The following OR10A2 variants were observed in gnomAD, a reference collection of about 807,000 sequenced individuals.
OR10A2 encodes olfactory receptor family 10 subfamily A member 2.
A neutral mutation model predicts 13.7 loss-of-function variants in OR10A2; 15 were observed. The ratio of observed to expected loss-of-function variants is 1.10; its 90% CI spans 0.73 to 1.69. The LOEUF is 1.69. Among genes scored for constraint, OR10A2 ranks in the 40% most tolerant of loss-of-function variants. The pLI, the probability that OR10A2 is intolerant of heterozygous loss-of-function variation, is 0.00. For synonymous variants in OR10A2, 145 were observed against 144.7 expected (o/e 1.00, Z -0.02); for missense variants, 343 against 361.1 (o/e 0.95, Z 0.41).
rs1427212307 is a variant in OR10A2 at position 6,869,760 on chromosome 11, C to A, written c.6C>A (p.Ser2Arg). The A allele has an allele frequency of 1.2e-6, 2 of 1,613,578 alleles. No homozygotes were observed. The highest frequency in any genetic ancestry group is 1.7e-6 in the Non-Finnish European group (2 of 1,179,534). The change falls in exon 2 of 2, where the codon AGC becomes AGA. Residue 2 changes from serine (S) to arginine (R), a missense_variant. Coordinates refer to ENST00000641461, the MANE Select transcript of OR10A2 (RefSeq NM_001004460.2). ...GAATAAGTGAGTTTATCCTCATGAG[C>A]TTCTCTTCCCTGCCTACTGAAATAC... is the stretch of plus-strand genomic sequence containing the variant. M[S>R]FSSLPTEIQS...
intron 1 of OR10A2, among the ~76,000 whole-genome samples, chr11:6,865,588 C>T (rs542147951): frequency 6.6e-6 from 1 of 152,144 alleles, no homozygotes; most frequent in South Asian, 2.1e-4. Context: ...ACAAAGATTT[C>T]ATTGAAATAT....
In OR10A2 at chr11:6,870,016, A is replaced by T; in HGVS notation, c.262A>T (p.Met88Leu). 6.2e-7 allele frequency: 1 copy of T among 1,614,078 alleles called. No homozygotes were observed. Among genetic ancestry groups the T allele is most frequent in the Non-Finnish European group, 8.5e-7 (1 of 1,180,016 alleles). ...CTCCTTCCTTGGCTGTGCCACTCAG[A>T]TGTATTTCTTCTTCTTCTTTGGAGT... ...TISFLGCATQMYFFFFFGVAE... is the reference protein window; with the variant it reads ...TISFLGCATQLYFFFFFGVAE... Residue 88 changes from methionine (M) to leucine (L), a missense_variant, in exon 2 of 2, where the codon ATG (methionine) becomes TTG (leucine). Transcript: ENST00000641461.
Position 6,863,342 on chromosome 11 carries a change from T to A in OR10A2, c.-142T>A, listed in dbSNP as rs1403059416. 1 of 148,694 alleles carries A rather than the reference T, an allele frequency of 6.7e-6. No individual in the cohort carries two copies. The highest frequency in any genetic ancestry group is 2.5e-5 in the African/African-American group (1 of 40,368). 9.2% of individuals were successfully genotyped at this position (148,694 alleles called of 1,614,324 possible). On this transcript the variant is annotated 5_prime_UTR_variant, in exon 1 of 2. It adds an upstream start codon to the 5' untranslated region. Coordinates refer to ENST00000641461, the MANE Select transcript of OR10A2 (RefSeq NM_001004460.2). ...GAGTTGAACAAGGCAGATGTTCCTG[T>A]TGGACACAGGTAAGCCTTTTTTTTT...
intron 1 of OR10A2, among the ~76,000 whole-genome samples, chr11:6,866,735 T>C (rs879124471): frequency 2.0e-5 from 3 of 152,252 alleles, no homozygotes; most frequent in Admixed American, 2.0e-4. Flanking sequence ...CATTTTCCAG[T>C]TTGGTTACTT....
intron 1 of OR10A2, among the ~76,000 whole-genome samples, chr11:6,866,362 C>T (rs749781540): frequency 6.6e-5 from 10 of 152,266 alleles, no homozygotes; most frequent in South Asian, 2.1e-4. Flanking sequence ...CAGACCAGGA[C>T]GGCTTTGCAT....
intron 1 of OR10A2, among the ~76,000 whole-genome samples, chr11:6,864,814 T>A (rs913990767): frequency 1.3e-5 from 2 of 151,784 alleles, no homozygotes; most frequent in African/African-American, 4.8e-5. Context: ...TAGCTTAAGT[T>A]CATTTCATAT....
intron 1 of OR10A2, among the ~76,000 whole-genome samples, chr11:6,864,325 T>C (rs542224744): frequency 1.1e-4 from 13 of 116,686 alleles, no homozygotes; most frequent in Admixed American, 8.6e-4. Context: ...AGAACAGTCA[T>C]TGAGAAAAAA....
intron 1 of OR10A2, among the ~76,000 whole-genome samples, chr11:6,866,754 T>C (rs1342989979): frequency 4.6e-5 from 7 of 152,122 alleles, no homozygotes. Context: ...TTATCAGAAC[T>C]TTTCTCTATT....
chr11:6,870,357 C>A lies in OR10A2; in HGVS notation c.603C>A (p.Ile201=). ...ILVVMIPCLL[I]LCSYTHIAAA... is the part of the protein sequence containing the mutation. ...TGGTCATGATCCCCTGCTTGCTGAT[C>A]TTGTGTTCCTATACTCACATTGCTG... Residue 201 remains isoleucine, a synonymous_variant, in exon 2 of 2, where the codon ATC becomes ATA. Coordinates refer to ENST00000641461, the MANE Select transcript of OR10A2 (RefSeq NM_001004460.2). 6.2e-7 allele frequency: 1 copy of A among 1,614,194 alleles called. No individual in the cohort carries two copies. Among genetic ancestry groups the A allele is most frequent in the Non-Finnish European group, 8.5e-7 (1 of 1,180,048 alleles).
In OR10A2 at chr11:6,869,843, G is replaced by A; in HGVS notation, c.89G>A (p.Cys30Tyr). The A allele has an allele frequency of 6.2e-7, 1 of 1,614,120 alleles. No individual in the cohort carries two copies. Among genetic ancestry groups the A allele is most frequent in the African/African-American group, 1.3e-5 (1 of 75,008 alleles). ...TACCTGGTCACCCTGATGGGAAACT[G>A]CCTCATCATTCTGGTTACCCTAGCT... ...TIYLVTLMGNCLIILVTLADP... is the reference protein window; with the variant it reads ...TIYLVTLMGNYLIILVTLADP... Residue 30 changes from cysteine to tyrosine, a missense_variant, in exon 2 of 2, where the codon TGC becomes TAC. Physicochemically the swap from Cys to Tyr is radical, Grantham distance 194. Coordinates refer to ENST00000641461, the MANE Select transcript of OR10A2 (RefSeq NM_001004460.2).
chr11:6,865,101 A>ATATATATT (rs372836203), intron 1 of OR10A2, among the ~76,000 whole-genome samples: 44,442 of 143,600 alleles, frequency 0.31, 7,632 homozygotes, highest in South Asian at 0.41. Context: ...ATGAATAAAA[A>ATATATATT]TATATATTTA....
chr11:6,872,577 T>G lies in OR10A2; in HGVS notation c.*1911T>G, dbSNP rs1848444811. On this transcript the variant is annotated 3_prime_UTR_variant, in exon 2 of 2. Transcript: ENST00000641461. ...ATGGCTCACTGTAGCCTCAAACACC[T>G]GGGCTCAGGCCATCTTCCTGCCTCA... The G allele has an allele frequency of 6.6e-6, 1 of 152,208 alleles. No individual in the cohort carries two copies. The highest frequency in any genetic ancestry group is 1.5e-5 in the Non-Finnish European group (1 of 68,042). The allele number at this position is 152,208 out of a possible 1,614,324, so 9.4% of individuals were successfully genotyped here. A position where few individuals can be genotyped will look rare whatever the true frequency, so the allele number is the denominator to read the frequency against.
At chr11:6,864,258 C>T (rs1176440007) in intron 1 of OR10A2, among the ~76,000 whole-genome samples, 1 of 151,414 alleles carries the variant, frequency 6.6e-6, no homozygotes, top group Non-Finnish European at 1.5e-5. Flanking sequence ...GCCAGCACCA[C>T]ATACAACACA....
At chr11:6,864,922 A>G (rs997734802) in intron 1 of OR10A2, among the ~76,000 whole-genome samples, 1 of 147,272 alleles carries the variant, frequency 6.8e-6, no homozygotes, top group South Asian at 2.1e-4. Context: ...TTTCTTATAT[A>G]TATAAATATA....
In OR10A2 at chr11:6,870,287, A is replaced by C; in HGVS notation, c.533A>C (p.Asp178Ala). 1 of 1,614,194 alleles carries C rather than the reference A, an allele frequency of 6.2e-7. No individual in the cohort carries two copies. The highest frequency in any genetic ancestry group is 8.5e-7 in the Non-Finnish European group (1 of 1,180,036). Residue 178 changes from aspartate to alanine, a missense_variant, in exon 2 of 2, where the codon GAC becomes GCC. Transcript: ENST00000641461. ...CCTGTGCTGAGGCTGGTCTGTGCAG[A>C]CACAGCACTCTTTGAGATCTACGCC... The part of the protein sequence containing the change: ...SPPVLRLVCA[D>A]TALFEIYAIV...
At chr11:6,868,970 T>C (rs938338593) in intron 1 of OR10A2, among the ~76,000 whole-genome samples, 9 of 152,224 alleles carry the variant, frequency 5.9e-5, no homozygotes, top group African/African-American at 1.9e-4. Flanking sequence ...ATGCCAATTC[T>C]AATTCTCCTA....
chr11:6,864,393 T>G (rs531054897), intron 1 of OR10A2, among the ~76,000 whole-genome samples: 1 of 152,212 alleles, frequency 6.6e-6, no homozygotes, highest in South Asian at 2.1e-4. Flanking sequence ...ACTCATGTAA[T>G]CCTTTATACA....
rs1377083764 is a variant in OR10A2, at chr11:6,872,715, T to TG, written c.*2050dup. The TG allele has an allele frequency of 4.6e-5, 7 of 152,238 alleles. No homozygotes were observed. The highest frequency in any genetic ancestry group is 4.6e-4 in the Admixed American group (7 of 15,280). 9.4% of individuals were successfully genotyped at this position (152,238 alleles called of 1,614,324 possible). A position where few individuals can be genotyped will look rare whatever the true frequency, so the allele number is the denominator to read the frequency against. On this transcript the variant is annotated 3_prime_UTR_variant, in exon 2 of 2. Transcript: ENST00000641461. The stretch of plus-strand genomic sequence containing the variant: ...GCTACCCAGTCTGGTATCGAACTTC[T>TG]GAGTTCAAGCAATCCTTCTGCCTGA...
rs1312078970 is a variant in OR10A2 at position 6,873,433 on chromosome 11, G to A, written c.*2767G>A. The A allele has an allele frequency of 6.6e-6, 1 of 152,186 alleles. No homozygotes were observed. Among genetic ancestry groups the A allele is most frequent in the Admixed American group, 6.5e-5 (1 of 15,282 alleles). The allele number at this position is 152,186 out of a possible 1,614,324, so 9.4% of individuals were successfully genotyped here. A position where few individuals can be genotyped will look rare whatever the true frequency, so the allele number is the denominator to read the frequency against. ...TGAGACAATTTGTACTGGGGTAGGG[G>A]GTAGTCCTTAGTATGGGTAAAGAAT... On this transcript the variant is annotated 3_prime_UTR_variant, in exon 2 of 2. Coordinates refer to ENST00000641461, the MANE Select transcript of OR10A2 (RefSeq NM_001004460.2).
Sources: allele counts gnomAD v4.1 joint callset (sites outside exome capture counted in the v4.1 genomes callset), GRCh38; gene constraint gnomAD v4.1.1; transcripts MANE v1.5; gene names NCBI Gene and HGNC (gene_info 2026-07-23, HGNC 2026-07-21).